TUBD1: variants seen among roughly 807,000 people sequenced by gnomAD.
TUBD1 encodes the protein tubulin delta chain.
In TUBD1, 38 loss-of-function variants were observed where a neutral mutation model predicts 51.2. The observed-to-expected ratio is 0.74, with a 90% CI of 0.57 to 0.97. TUBD1 has a LOEUF of 0.97. TUBD1 is among the 50% of genes least tolerant of loss of function. The pLI is 0.00. For missense variants in TUBD1, 489 were observed against 538.4 expected (o/e 0.91, Z 0.91); for synonymous variants, 169 against 178.2 (o/e 0.95, Z 0.41).
At chr17:59,874,076 C>G (rs1427268546) in intron 6 of TUBD1, among the ~76,000 whole-genome samples, 4 of 149,504 alleles carry the variant, frequency 2.7e-5, no homozygotes, top group African/African-American at 9.9e-5. Flanking sequence ...GTAGTCCCAG[C>G]TACTCGGCAG....
chr17:59,885,190 T>G (rs1945220421), intron 3 of TUBD1: 1 of 425,888 alleles, frequency 2.3e-6, no homozygotes, highest in African/African-American at 2.0e-5. Flanking sequence ...AACATGTGTG[T>G]GGGAGACTAC....
chr17:59,870,575 C>T (rs961463240), intron 6 of TUBD1, among the ~76,000 whole-genome samples: 1 of 152,044 alleles, frequency 6.6e-6, no homozygotes, highest in African/African-American at 2.4e-5. Flanking sequence ...CCTGGCACAG[C>T]CCTGTAGAGA....
In TUBD1 at chr17:59,860,300, A is replaced by T. The variant is rs1366912354; in HGVS notation, c.*22T>A. The T allele has an allele frequency of 1.3e-6, 2 of 1,507,092 alleles. No homozygotes were observed. Among genetic ancestry groups the T allele is most frequent in the East Asian group, 4.5e-5 (2 of 44,368 alleles). 93.4% of individuals were successfully genotyped at this position (1,507,092 alleles called of 1,614,324 possible). On this transcript the variant is annotated 3_prime_UTR_variant, in exon 9 of 9. Coordinates refer to ENST00000325752, the MANE Select transcript of TUBD1 (RefSeq NM_016261.4). ...TTTTAGTCCAGAAATGCCTTAAGGT[A>T]TACTTTTCCCATTGTTCAAGATCAG...
At chr17:59,884,982 G>C (rs2040653120) in intron 3 of TUBD1, 1 of 245,568 alleles carries the variant, frequency 4.1e-6, no homozygotes, top group African/African-American at 2.3e-5. Flanking sequence ...ACTTAAATCA[G>C]AATCTCAGCA....
intron 3 of TUBD1, chr17:59,885,559 G>A: frequency 7.1e-7 from 1 of 1,401,150 alleles, no homozygotes. Flanking sequence ...GATCTGAGGA[G>A]GCTTCGTGGG....
In TUBD1 at chr17:59,886,212, A is replaced by G; in HGVS notation, c.191T>C (p.Val64Ala). Reference protein sequence around the residue: ...EENGVPIARAVLVDMEPKVIN... With the variant: ...EENGVPIARAALVDMEPKVIN... ...AACTTTGGGTTCCATGTCAACAAGA[A>G]CAGCCCGGGCAATTGGAACTAGAGG... is the stretch of plus-strand genomic sequence containing the variant. Residue 64 changes from valine (V) to alanine (A), a missense_variant, in exon 3 of 9, where the codon GTT becomes GCT. Val to Ala is a moderately conservative substitution (Grantham distance 64). Coordinates refer to ENST00000325752, the MANE Select transcript of TUBD1 (RefSeq NM_016261.4). 6.2e-7 allele frequency: 1 copy of G among 1,613,410 alleles called. No individual in the cohort carries two copies. The highest frequency in any genetic ancestry group is 8.5e-7 in the Non-Finnish European group (1 of 1,179,828).
chr17:59,885,399 C>A, intron 3 of TUBD1: 1 of 1,041,224 alleles, frequency 9.6e-7, no homozygotes, highest in Non-Finnish European at 1.5e-6. Flanking sequence ...AGCTGTTCGG[C>A]TTCATGGCTC....
chr17:59,871,054 G>A (rs771690361), intron 6 of TUBD1, among the ~76,000 whole-genome samples: 11 of 152,220 alleles, frequency 7.2e-5, no homozygotes, highest in Non-Finnish European at 1.6e-4. Flanking sequence ...AGAACAACCT[G>A]AGACTTCTCA....
chr17:59,876,427 T>A (rs2040229373), intron 5 of TUBD1, among the ~76,000 whole-genome samples: 1 of 151,208 alleles, frequency 6.6e-6, no homozygotes, highest in African/African-American at 2.4e-5. Flanking sequence ...TGACCTCAGC[T>A]CACTGCAACC....
At chr17:59,891,393 C>T (rs1190169687) in intron 1 of TUBD1, among the ~76,000 whole-genome samples, 1 of 152,012 alleles carries the variant, frequency 6.6e-6, no homozygotes, top group South Asian at 2.1e-4. Context: ...CCTCAGCCTC[C>T]CAAAGTGCTG....
rs761475749 is a variant in TUBD1 at position 59,863,727 on chromosome 17, C to T, written c.1196G>A (p.Ser399Asn). 6.2e-7 allele frequency: 1 copy of T among 1,607,766 alleles called. No individual in the cohort carries two copies. The highest frequency in any genetic ancestry group is 8.5e-7 in the Non-Finnish European group (1 of 1,178,250). The change falls in exon 8 of 9, where the codon AGC (serine) becomes AAC (asparagine). Residue 399 changes from serine (S) to asparagine (N), a missense_variant. Transcript: ENST00000325752. ...ATCAAGTGGTTTTACTAAGAACTGG[C>T]TGTTGCTGACCAACACTGCAGACTT... is the stretch of plus-strand genomic sequence containing the variant. ...YEKSAVLVSN[S>N]QFLVKPLDMI...
intron 8 of TUBD1, among the ~76,000 whole-genome samples, chr17:59,861,824 C>T (rs556989912): frequency 8.6e-4 from 131 of 151,548 alleles, no homozygotes; most frequent in African/African-American, 2.3e-3. Context: ...CCCGCCACCA[C>T]GCCCAGCTGT....
At chr17:59,886,410 A>G (rs571419424) in intron 2 of TUBD1, 180 bp from the exon 3 acceptor site, 169 of 606,592 alleles carry the variant, frequency 2.8e-4, no homozygotes, top group Middle Eastern at 1.4e-3. Context: ...AGGCATATGC[A>G]GATGTTCACC....
chr17:59,861,919 G>C (rs2039467519), intron 8 of TUBD1, among the ~76,000 whole-genome samples: 1 of 151,498 alleles, frequency 6.6e-6, no homozygotes, highest in South Asian at 2.1e-4. Flanking sequence ...GCCCACCTTG[G>C]CCTCCCAAAG....
At chr17:59,881,220 G>A (rs1020770039) in intron 3 of TUBD1, 110 bp from the exon 4 acceptor site, 3 of 872,702 alleles carry the variant, frequency 3.4e-6, no homozygotes, top group African/African-American at 3.4e-5. Context: ...CTACGGAAGT[G>A]AAGGAACTCT....
rs3180182 is a variant in TUBD1 at position 59,860,170 on chromosome 17, C to A, written c.*152G>T. 1 of 553,684 alleles carries A rather than the reference C, an allele frequency of 1.8e-6. No homozygotes were observed. Among genetic ancestry groups the A allele is most frequent in the East Asian group, 3.2e-5 (1 of 31,062 alleles). 34.3% of individuals were successfully genotyped at this position (553,684 alleles called of 1,614,324 possible). ...AGCTGGGACTACAGGCACCCGCCACCGCGCCTGGCTAATTTTTTGTATTTT... is the reference window on the plus strand; with the variant it reads ...AGCTGGGACTACAGGCACCCGCCACAGCGCCTGGCTAATTTTTTGTATTTT... On this transcript the variant is annotated 3_prime_UTR_variant, in exon 9 of 9. Coordinates refer to ENST00000325752, the MANE Select transcript of TUBD1 (RefSeq NM_016261.4).
chr17:59,889,953 G>T (rs2040918804), intron 2 of TUBD1, among the ~76,000 whole-genome samples: 1 of 137,210 alleles, frequency 7.3e-6, no homozygotes. Flanking sequence ...CCGGGTGACA[G>T]AGCGAGACTC....
At chr17:59,861,479 G>A (rs73317194) in intron 8 of TUBD1, among the ~76,000 whole-genome samples, 19,816 of 151,850 alleles carry the variant, frequency 0.13, 1,576 homozygotes, top group Middle Eastern at 0.22. Context: ...GGTTACAAGC[G>A]TGAGCCACCA....
intron 4 of TUBD1, among the ~76,000 whole-genome samples, chr17:59,879,049 T>G (rs1179553263): frequency 6.6e-6 from 1 of 151,884 alleles, no homozygotes; most frequent in Non-Finnish European, 1.5e-5. Flanking sequence ...CTGAGGTGGG[T>G]GGATCACCTG....
Sources: gnomAD v4.1 joint callset for allele counts (sites outside exome capture counted in the v4.1 genomes callset) on GRCh38, gnomAD v4.1.1 for gene constraint, MANE v1.5 for transcripts, NCBI Gene and HGNC (gene_info 2026-07-23, HGNC 2026-07-21) for gene names.